PRKDC: variants seen among roughly 807,000 people sequenced by gnomAD.
PRKDC encodes the protein protein kinase, DNA-activated, catalytic subunit.
Under a neutral mutation model 486.9 loss-of-function variants are expected in PRKDC, and 82 were observed. The observed-to-expected ratio is 0.17, with a 90% confidence interval of 0.14 to 0.20. PRKDC has a LOEUF of 0.20. Ranked by LOEUF, PRKDC falls within the 10% of genes least tolerant of loss-of-function variation. The pLI is 1.00. For synonymous variants in PRKDC, 1,895 were observed against 1,837.0 expected, an observed-to-expected ratio of 1.03 and a Z score of -0.81; for missense variants, 4,504 against 5,038.2, an observed-to-expected ratio of 0.89 and a Z score of 3.21.
Position 47,933,114 on chromosome 8 carries a change from T to C in PRKDC, c.1682A>G (p.Asn561Ser), listed in dbSNP as rs770306681. Residue 561 changes from asparagine (N) to serine (S), a missense_variant, in exon 16 of 86, where the codon AAT (asparagine) becomes AGT (serine). Around this residue, in one of 6 missense-constraint regions of PRKDC, gnomAD observed 1,969 missense variants for 2,068.9 expected, o/e 0.95. Transcript: ENST00000314191. ...FSVNSSSESL[N>S]HLLYDEFVKS... ...TACAAATTCATCATAAAGTAAATGA[T>C]TCAGACTTTCACTGGAGGAATTCAC... The C allele has an allele frequency of 2.5e-6, 4 of 1,572,402 alleles. No individual in the cohort carries two copies. Among genetic ancestry groups the C allele is most frequent in the African/African-American group, 2.7e-5 (2 of 73,810 alleles).
chr8:47,942,887 G>A (rs2090469052), intron 10 of PRKDC, among the ~76,000 whole-genome samples: 1 of 152,202 alleles, frequency 6.6e-6, no homozygotes. Flanking sequence ...TCCTCTTCCA[G>A]GAGAGATGGG....
intron 17 of PRKDC, 94 bp from the exon 18 acceptor site, chr8:47,930,106 C>G (rs936581471): frequency 5.9e-5 from 63 of 1,061,322 alleles, no homozygotes; most frequent in Non-Finnish European, 7.8e-5. Flanking sequence ...GCTACAAACC[C>G]ATCACGTAAC....
chr8:47,789,175 G>C lies in PRKDC; in HGVS notation c.10734C>G (p.Leu3578=). The change falls in exon 75 of 86, where the codon CTC becomes CTG. Residue 3578 remains leucine (L), a synonymous_variant. Coordinates refer to ENST00000314191, the MANE Select transcript of PRKDC (RefSeq NM_006904.7). ...CCTTAAAGAGCAGTTCAGGATTAGA[G>C]AGCTGATCTAAGGCATTAATAAAAT... is the stretch of plus-strand genomic sequence containing the variant. The part of the protein sequence containing the change: ...IQDFINALDQ[L]SNPELLFKDW... The C allele has an allele frequency of 1.2e-6, 2 of 1,612,900 alleles. No homozygotes were observed. The highest frequency in any genetic ancestry group is 1.7e-6 in the Non-Finnish European group (2 of 1,179,446).
chr8:47,796,609 GTTT>G (rs1177283373), intron 73 of PRKDC, among the ~76,000 whole-genome samples: 107 of 147,202 alleles, frequency 7.3e-4, no homozygotes, highest in African/African-American at 2.6e-3. Flanking sequence ...TGTTGTTGTT[GTTT>G]TTTTTGAGAC....
In PRKDC at chr8:47,927,344, T is replaced by G. The variant is rs768873783; in HGVS notation, c.2269A>C (p.Lys757Gln). 7 of 1,610,958 alleles carry G rather than the reference T, an allele frequency of 4.3e-6. No homozygotes were observed. The highest frequency in any genetic ancestry group is 5.9e-6 in the Non-Finnish European group (7 of 1,179,118). The change falls in exon 21 of 86, where the codon AAA (lysine) becomes CAA (glutamine). Residue 757 changes from lysine (K) to glutamine (Q), a missense_variant. Lys to Gln is a moderately conservative substitution (Grantham distance 53, BLOSUM62 1). This residue lies in a region of PRKDC where 1,969 missense variants were observed against 2,068.9 expected (regional missense o/e 0.95). Coordinates refer to ENST00000314191, the MANE Select transcript of PRKDC (RefSeq NM_006904.7). ...AAGGGGGTATAGCTCAGGCCCAGTT[T>G]GAAAGCCATCTGTATGTTAATACAA... ...AYVPALQMAF[K>Q]LGLSYTPLAE...
rs771220888 is a variant in PRKDC at position 47,953,679 on chromosome 8, G to A, written c.662C>T (p.Ala221Val). 4 of 1,613,456 alleles carry A rather than the reference G, an allele frequency of 2.5e-6. No individual in the cohort carries two copies. The highest frequency in any genetic ancestry group is 2.5e-6 in the Non-Finnish European group (3 of 1,179,708). Residue 221 changes from alanine (A) to valine (V), a missense_variant, in exon 7 of 86, where the codon GCA (alanine) becomes GTA (valine). This residue lies in a region of PRKDC where 1,969 missense variants were observed against 2,068.9 expected (regional missense o/e 0.95). Coordinates refer to ENST00000314191, the MANE Select transcript of PRKDC (RefSeq NM_006904.7). ...AVREPKLPVL[A>V]GCLKGLSSLL... ...TGAGGACAACCCCTTCAGACATCCTGCCAGAACAGGTAGTTTGGGCTCTCT... is the reference window on the plus strand; with the variant it reads ...TGAGGACAACCCCTTCAGACATCCTACCAGAACAGGTAGTTTGGGCTCTCT...
intron 25 of PRKDC, among the ~76,000 whole-genome samples, chr8:47,907,619 C>G (rs1233846069): frequency 6.8e-6 from 1 of 146,954 alleles, no homozygotes; most frequent in East Asian, 2.0e-4. Flanking sequence ...ACTGCGACCT[C>G]TGACTCCCGG....
chr8:47,952,618 G>C (rs748666399), intron 7 of PRKDC, among the ~76,000 whole-genome samples: 4 of 152,110 alleles, frequency 2.6e-5, no homozygotes, highest in Non-Finnish European at 5.9e-5. Context: ...CACTTTGGGA[G>C]ATCAAGGTGG....
At chr8:47,790,860 T>G (rs189673592) in intron 74 of PRKDC, among the ~76,000 whole-genome samples, 2 of 152,156 alleles carry the variant, frequency 1.3e-5, no homozygotes, top group African/African-American at 4.8e-5. Flanking sequence ...GGTATCCATA[T>G]GCAGAATAAT....
At chr8:47,860,755 A>C in intron 45 of PRKDC, 144 bp downstream of exon 45, 1 of 596,684 alleles carries the variant, frequency 1.7e-6, no homozygotes. Flanking sequence ...ATACTTTTTC[A>C]AAGTCAATTT....
At chr8:47,925,001 C>T (rs2090133400) in intron 21 of PRKDC, among the ~76,000 whole-genome samples, 1 of 152,204 alleles carries the variant, frequency 6.6e-6, no homozygotes, top group Non-Finnish European at 1.5e-5. Context: ...TGCACCCCAA[C>T]ATCCCAGACA....
intron 1 of PRKDC, 84 bp downstream of exon 1, chr8:47,959,887 AAC>A: frequency 1.3e-6 from 2 of 1,498,100 alleles, no homozygotes; most frequent in East Asian, 2.5e-5. Flanking sequence ...CCGTCATCTA[AAC>A]ACAGAGAAGC....
At chr8:47,922,973 G>C (rs1347260711) in intron 21 of PRKDC, among the ~76,000 whole-genome samples, 1 of 152,038 alleles carries the variant, frequency 6.6e-6, no homozygotes, top group Non-Finnish European at 1.5e-5. Flanking sequence ...AGTATGAGAT[G>C]AGTTAAATTT....
At chr8:47,815,365 TATCTATA>T (rs1276123079) in intron 68 of PRKDC, among the ~76,000 whole-genome samples, 2 of 152,202 alleles carry the variant, frequency 1.3e-5, no homozygotes, top group Non-Finnish European at 2.9e-5. Context: ...GCTAGATAGA[TATCTATA>T]TGGAAAAAGT....
intron 52 of PRKDC, among the ~76,000 whole-genome samples, chr8:47,850,080 G>A (rs557920720): frequency 6.6e-6 from 1 of 152,176 alleles, no homozygotes; most frequent in East Asian, 1.9e-4. Flanking sequence ...AGCTCCCCAA[G>A]GGCAGGGACA....
intron 40 of PRKDC, among the ~76,000 whole-genome samples, chr8:47,869,939 ACTT>A (rs1422427466): frequency 6.6e-6 from 1 of 151,958 alleles, no homozygotes; most frequent in East Asian, 1.9e-4. Context: ...ACAGGCAGAG[ACTT>A]CTTTATTTTA....
chr8:47,943,797 T>G, intron 9 of PRKDC, 56 bp downstream of exon 9: 7 of 1,387,042 alleles, frequency 5.0e-6, no homozygotes, highest in Non-Finnish European at 5.0e-6. Context: ...AAAGCTTACT[T>G]GAGATGTTAA....
intron 21 of PRKDC, among the ~76,000 whole-genome samples, chr8:47,922,181 A>G (rs1180867709): frequency 6.6e-6 from 1 of 151,646 alleles, no homozygotes; most frequent in Non-Finnish European, 1.5e-5. Context: ...CACCCAGGCT[A>G]TGGTGCAGTG....
At chr8:47,956,545 AAT>A (rs941748420) in intron 3 of PRKDC, among the ~76,000 whole-genome samples, 1 of 151,584 alleles carries the variant, frequency 6.6e-6, no homozygotes, top group Non-Finnish European at 1.5e-5. Context: ...AAAAAAAAAA[AAT>A]ACAAAAATTA....
Sources: gnomAD v4.1 joint callset for allele counts (sites outside exome capture counted in the v4.1 genomes callset) on GRCh38, gnomAD v4.1.1 for gene constraint, gnomAD v4.1.1 regional missense constraint, MANE v1.5 for transcripts, NCBI Gene and HGNC (gene_info 2026-07-23, HGNC 2026-07-21) for gene names.